Variants in SH3RF2 observed in about 807,000 individuals in gnomAD.
The protein encoded by SH3RF2 is E3 ubiquitin-protein ligase SH3RF2.
Under a neutral mutation model 59.0 loss-of-function variants are expected in SH3RF2, and 43 were observed. The observed-to-expected ratio is 0.73, with a 90% confidence interval of 0.57 to 0.94. The LOEUF (loss-of-function observed/expected upper bound fraction) is 0.94. Among genes scored for constraint, SH3RF2 ranks in the 40% least tolerant of loss-of-function variants. The probability of loss-of-function intolerance (pLI) is 0.00; values close to 1 mark genes in which losing one functional copy is unlikely to be tolerated. For missense variants in SH3RF2, 930 were observed against 940.1 expected (o/e 0.99, Z 0.14); for synonymous variants, 391 against 391.5 (o/e 1.00, Z 0.01).
chr5:145,949,798 T>C (rs1025923082), intron 2 of SH3RF2, among the ~76,000 whole-genome samples: 1 of 151,760 alleles, frequency 6.6e-6, no homozygotes, highest in African/African-American at 2.4e-5. Context: ...TCTCCCTCTT[T>C]TACTTCTCTT....
Position 145,936,612 on chromosome 5 carries a change from G to A in SH3RF2, c.-189G>A, listed in dbSNP as rs1176388846. 6.6e-6 allele frequency: 1 copy of A among 152,528 alleles called. No homozygotes were observed. The allele number at this position is 152,528 out of a possible 1,614,324, so 9.4% of individuals were successfully genotyped here. ...TGGCAGCAGCGGCGCTTGGAGGAAA[G>A]GAAGCCGGTTGGAGGGCGCAGCGCA... On this transcript the variant is annotated 5_prime_UTR_variant, in exon 1 of 10. Coordinates refer to ENST00000359120, the MANE Select transcript of SH3RF2 (RefSeq NM_152550.4).
At chr5:145,986,885 A>C (rs1214872502) in intron 2 of SH3RF2, among the ~76,000 whole-genome samples, 1 of 152,096 alleles carries the variant, frequency 6.6e-6, no homozygotes, top group Non-Finnish European at 1.5e-5. Flanking sequence ...GGTGATGTAA[A>C]CTCCTACTTC....
chr5:145,953,203 A>G (rs577508683), intron 2 of SH3RF2, among the ~76,000 whole-genome samples: 1 of 152,318 alleles, frequency 6.6e-6, no homozygotes, highest in East Asian at 1.9e-4. Flanking sequence ...CTAAATATAG[A>G]CAAGGGTATG....
chr5:145,942,356 G>T (rs4912698), intron 2 of SH3RF2, among the ~76,000 whole-genome samples: 1 of 152,048 alleles, frequency 6.6e-6, no homozygotes, highest in African/African-American at 2.4e-5. Context: ...AGTCACACAC[G>T]TTTCTGTCTT....
At chr5:146,008,420 A>G (rs754827923) in intron 4 of SH3RF2, among the ~76,000 whole-genome samples, 39 of 152,214 alleles carry the variant, frequency 2.6e-4, no homozygotes, top group Non-Finnish European at 5.4e-4. Flanking sequence ...AAGAATGGCT[A>G]TATAAAGAAC....
chr5:146,048,575 C>T (rs1182658731), intron 6 of SH3RF2, among the ~76,000 whole-genome samples: 6 of 152,146 alleles, frequency 3.9e-5, no homozygotes, highest in Non-Finnish European at 8.8e-5. Context: ...TCCCCCATTC[C>T]CTTTGATAAA....
chr5:145,938,146 T>C lies in SH3RF2; in HGVS notation c.218T>C (p.Leu73Pro), dbSNP rs753428405. The change falls in exon 2 of 10, where the codon CTG becomes CCG. Residue 73 changes from leucine (L) to proline (P), a missense_variant. Coordinates refer to ENST00000359120, the MANE Select transcript of SH3RF2 (RefSeq NM_152550.4). ...LPANLLLVRL[L>P]DGVRSGQSSG... ...GCCAACCTGCTGCTCGTGCGCCTTC[T>C]GGATGGAGTGCGCTCAGGGCAGAGC... 4 of 1,614,216 alleles carry C rather than the reference T, an allele frequency of 2.5e-6. No homozygotes were observed. In the South Asian group the frequency reaches 4.4e-5, roughly 18 times the overall value.
chr5:145,978,596 A>T (rs543055109), intron 2 of SH3RF2, among the ~76,000 whole-genome samples: 52 of 152,140 alleles, frequency 3.4e-4, no homozygotes, highest in African/African-American at 1.1e-3. Context: ...GATTGAGAAC[A>T]TTAATTCAGG....
chr5:145,938,189 C>T lies in SH3RF2; in HGVS notation c.261C>T (p.Ser87=). 6.2e-7 allele frequency: 1 copy of T among 1,613,982 alleles called. No individual in the cohort carries two copies. Among genetic ancestry groups the T allele is most frequent in the Non-Finnish European group, 8.5e-7 (1 of 1,180,012 alleles). The change falls in exon 2 of 10, where the codon TCC becomes TCT. Residue 87 remains serine (S), a synonymous_variant. Transcript: ENST00000359120. ...RSGQSSGRGG[S]FRRPGTMTLQ... ...GGCAGAGCTCCGGGAGAGGGGGCTCCTTCCGCAGGCCTGGCACGATGACCT... is the reference window on the plus strand; with the variant it reads ...GGCAGAGCTCCGGGAGAGGGGGCTCTTTCCGCAGGCCTGGCACGATGACCT...
intron 9 of SH3RF2, among the ~76,000 whole-genome samples, chr5:146,073,271 C>T (rs1398714307): frequency 1.3e-5 from 2 of 152,240 alleles, no homozygotes; most frequent in African/African-American, 4.8e-5. Flanking sequence ...CTCACCACCT[C>T]ATCTGCTGAA....
intron 2 of SH3RF2, among the ~76,000 whole-genome samples, chr5:145,958,503 G>C (rs868228241): frequency 1.3e-5 from 2 of 152,094 alleles, no homozygotes; most frequent in Non-Finnish European, 1.5e-5. Flanking sequence ...TTACAGCAAA[G>C]GCACTCCTAA....
At chr5:145,971,893 A>T (rs1319995947) in intron 2 of SH3RF2, among the ~76,000 whole-genome samples, 1 of 152,134 alleles carries the variant, frequency 6.6e-6, no homozygotes, top group African/African-American at 2.4e-5. Flanking sequence ...GATGATGATG[A>T]TGATGATGAT....
Position 145,963,059 on chromosome 5 carries a change from G to A in SH3RF2, c.378+24753G>A, listed in dbSNP as rs149078010. On this transcript the variant is annotated intron_variant, in intron 2 of 9. Coordinates refer to ENST00000359120, the MANE Select transcript of SH3RF2 (RefSeq NM_152550.4). ...ACTACATGCAGCTGCCACCACACCCGGCTAATTTTTTGTATTTTTAGTAGA... is the reference window on the plus strand; with the variant it reads ...ACTACATGCAGCTGCCACCACACCCAGCTAATTTTTTGTATTTTTAGTAGA... 4.3e-3 allele frequency among the ~76,000 whole-genome samples: 647 copies of A among 151,002 alleles called. 1 individual carries two copies. The highest frequency in any genetic ancestry group is 6.6e-3 in the Non-Finnish European group (449 of 67,718).
intron 2 of SH3RF2, among the ~76,000 whole-genome samples, chr5:145,966,288 A>G (rs73312109): frequency 0.078 from 11,921 of 152,230 alleles, 1,586 homozygotes; most frequent in African/African-American, 0.27. Flanking sequence ...GAGGGATGAC[A>G]GTGGCAGCAG....
intron 3 of SH3RF2, among the ~76,000 whole-genome samples, chr5:146,003,515 T>C (rs1270527635): frequency 6.6e-6 from 1 of 152,256 alleles, no homozygotes; most frequent in Admixed American, 6.5e-5. Context: ...CTGTTGACAG[T>C]GATTGTATCT....
chr5:146,017,276 C>A (rs1380179019), intron 5 of SH3RF2, among the ~76,000 whole-genome samples: 1 of 152,284 alleles, frequency 6.6e-6, no homozygotes, highest in Non-Finnish European at 1.5e-5. Flanking sequence ...TGGATTGAAA[C>A]CAATGCAGCT....
rs368053595 is a variant in SH3RF2, at chr5:145,938,165, G to A, written c.237G>A (p.Gly79=). Residue 79 remains glycine (G), a synonymous_variant, in exon 2 of 10, where the codon GGG becomes GGA. Transcript: ENST00000359120. ...GCCTTCTGGATGGAGTGCGCTCAGG[G>A]CAGAGCTCCGGGAGAGGGGGCTCCT... ...LVRLLDGVRS[G]QSSGRGGSFR... 2.0e-5 allele frequency: 33 copies of A among 1,614,036 alleles called. 1 individual carries two copies. The Middle Eastern group carries it at 8.2e-4, about 40-fold the overall frequency.
chr5:146,074,578 A>T (rs1229473202), intron 9 of SH3RF2, among the ~76,000 whole-genome samples: 1 of 75,236 alleles, frequency 1.3e-5, no homozygotes, highest in African/African-American at 4.1e-5. Flanking sequence ...ACTGACATCT[A>T]AAAAAAAAAC....
intron 2 of SH3RF2, among the ~76,000 whole-genome samples, chr5:145,961,372 A>C (rs1200646523): frequency 6.6e-6 from 1 of 152,050 alleles, no homozygotes; most frequent in Non-Finnish European, 1.5e-5. Context: ...TTCTCTAAGA[A>C]CCACTGTTTC....
Sources: gnomAD v4.1 joint callset for allele counts (sites outside exome capture counted in the v4.1 genomes callset) on GRCh38, gnomAD v4.1.1 for gene constraint, MANE v1.5 for transcripts, NCBI Gene and HGNC (gene_info 2026-07-23, HGNC 2026-07-21) for gene names.